CACNA1A: variants seen among roughly 807,000 people sequenced by gnomAD.
CACNA1A encodes calcium voltage-gated channel subunit alpha1 A.
CACNA1A carries 57 observed loss-of-function variants against 262.4 expected under a neutral mutation model. The observed-to-expected ratio is 0.22, with a 90% CI of 0.18 to 0.27. The LOEUF (loss-of-function observed/expected upper bound fraction) is 0.27, where lower values mean the gene tolerates loss of function less well. Among genes scored for constraint, CACNA1A ranks in the 10% least tolerant of loss-of-function variants. The pLI, the probability that CACNA1A is intolerant of heterozygous loss-of-function variation, is 1.00. For missense variants in CACNA1A, 2,526 were observed against 3,562.8 expected, an observed-to-expected ratio of 0.71 and a Z score of 7.41; for synonymous variants, 1,431 against 1,419.3, an observed-to-expected ratio of 1.01 and a Z score of -0.18.
chr19:13,259,590 G>T lies in CACNA1A; in HGVS notation c.4362C>A (p.Thr1454=), dbSNP rs190264873. 1 of 1,609,012 alleles carries T rather than the reference G, an allele frequency of 6.2e-7. No individual in the cohort carries two copies. Residue 1454 remains threonine (T), a synonymous_variant, in exon 27 of 47, where the codon ACC becomes ACA. Coordinates refer to ENST00000360228, the MANE Select transcript of CACNA1A (RefSeq NM_001127222.2). ...GTGGCCAGCCTTCTCCCGTGGACACGGTGAAGAGGGTCAGCAGAGCCCACA... is the reference window on the plus strand; with the variant it reads ...GTGGCCAGCCTTCTCCCGTGGACACTGTGAAGAGGGTCAGCAGAGCCCACA... ...NVLWALLTLF[T]VSTGEGWPQV...
chr19:13,414,411 A>G lies in CACNA1A; in HGVS notation c.539+38465T>C, dbSNP rs145629638. Among the ~76,000 whole-genome samples the G allele has an allele frequency of 2.5e-3, 384 of 152,216 alleles. 2 individuals carry two copies. Among genetic ancestry groups the G allele is most frequent in the Non-Finnish European group, 4.4e-3 (301 of 68,000 alleles). Reference sequence around the variant, plus strand: ...CGAGGCTCTGTCTCAAAAAAAAAGCAGGCAGATAGCAGCGAAGGACAATGT... The same window carrying G: ...CGAGGCTCTGTCTCAAAAAAAAAGCGGGCAGATAGCAGCGAAGGACAATGT... On this transcript the variant is annotated intron_variant, in intron 3 of 46. Transcript: ENST00000360228.
chr19:13,337,911 T>G (rs1040524005), intron 6 of CACNA1A, among the ~76,000 whole-genome samples: 2 of 152,172 alleles, frequency 1.3e-5, no homozygotes, highest in Non-Finnish European at 2.9e-5. Flanking sequence ...TGTAACTCTA[T>G]AGTGTATCTA....
rs144610146 is a variant in CACNA1A, at chr19:13,411,694, T to TTCTC, written c.540-39919_540-39916dup. 2.5e-3 allele frequency among the ~76,000 whole-genome samples: 363 copies of TTCTC among 147,764 alleles called. 2 individuals are homozygous for TTCTC. Among genetic ancestry groups the TTCTC allele is most frequent in the Admixed American group, 5.6e-3 (83 of 14,864 alleles). On this transcript the variant is annotated intron_variant, in intron 3 of 46. Transcript: ENST00000360228. ...TCTCTCTCTTTCTCTCTCTTTCTCC[T>TTCTC]TCTCTCTCTCTCTCTCTCTCCCCAT... is the stretch of plus-strand genomic sequence containing the variant.
intron 10 of CACNA1A, among the ~76,000 whole-genome samples, chr19:13,328,122 C>T (rs1457772525): frequency 6.6e-6 from 1 of 152,126 alleles, no homozygotes; most frequent in Non-Finnish European, 1.5e-5. Context: ...CCAGGCTGGT[C>T]TTGAACGGCT....
At position 13,277,201 on chromosome 19, in the gene CACNA1A, C is replaced by T. The variant is rs2057171871; in HGVS notation, c.3823-73G>A. The T allele has an allele frequency of 7.6e-6, 8 of 1,057,564 alleles. No homozygotes were observed. The South Asian group carries it at 7.9e-5, about 10-fold the overall frequency. 65.5% of individuals were successfully genotyped at this position (1,057,564 alleles called of 1,614,324 possible). A position where few individuals can be genotyped will look rare whatever the true frequency, so the allele number is the denominator to read the frequency against. The stretch of plus-strand genomic sequence containing the variant: ...GCAGAGCCCCGGTAAAACTAACGAT[C>T]GCCTACTGGGGAGCAGAGTTTCTAC... On this transcript the variant is annotated intron_variant, in intron 22 of 46. Transcript: ENST00000360228.
At chr19:13,407,760 G>A (rs1199560277) in intron 3 of CACNA1A, among the ~76,000 whole-genome samples, 2 of 152,320 alleles carry the variant, frequency 1.3e-5, no homozygotes, top group Non-Finnish European at 1.5e-5. Context: ...GGAGGCCAAG[G>A]CAGGCAGATT....
intron 24 of CACNA1A, chr19:13,271,784 G>C (rs1465358937): frequency 5.2e-5 from 7 of 135,678 alleles, no homozygotes. Context: ...TTTTTTTTGA[G>C]ACAGAGTCTT....
At chr19:13,219,780 C>T (rs778557905) in intron 38 of CACNA1A, among the ~76,000 whole-genome samples, 28 of 151,840 alleles carry the variant, frequency 1.8e-4, no homozygotes, top group Middle Eastern at 3.4e-3. Context: ...GGTGAAACCC[C>T]GTTTCTACTA....
chr19:13,327,145 T>C (rs1354064021), intron 10 of CACNA1A, among the ~76,000 whole-genome samples: 1 of 152,092 alleles, frequency 6.6e-6, no homozygotes, highest in African/African-American at 2.4e-5. Flanking sequence ...CTTCCCAAAA[T>C]GTTGGGATTA....
At chr19:13,263,049 G>T in intron 24 of CACNA1A, 1 of 555,438 alleles carries the variant, frequency 1.8e-6, no homozygotes, top group Middle Eastern at 5.0e-4. Flanking sequence ...TTGTGGTTCT[G>T]GTCCCAGGGT....
intron 1 of CACNA1A, among the ~76,000 whole-genome samples, chr19:13,499,067 G>A (rs911898393): frequency 6.6e-6 from 1 of 152,048 alleles, no homozygotes; most frequent in African/African-American, 2.4e-5. Context: ...AAGGGGAGGG[G>A]GGTACCTAAA....
Position 13,208,762 on chromosome 19 carries a change from G to T in CACNA1A, c.6774C>A (p.His2258Gln), listed in dbSNP as rs766371895. 4 of 1,574,264 alleles carry T rather than the reference G, an allele frequency of 2.5e-6. No individual in the cohort carries two copies. The South Asian group carries it at 4.5e-5, about 18-fold the overall frequency. Reference protein sequence around the residue: ...SPSEGREHMAHRQGSSSVSGS... With the variant: ...SPSEGREHMAQRQGSSSVSGS... ...CACTTGCAGCCGCACCCACCTGCCGGTGCGCCATGTGCTCTCGGCCCTCGC... is the reference window on the plus strand; with the variant it reads ...CACTTGCAGCCGCACCCACCTGCCGTTGCGCCATGTGCTCTCGGCCCTCGC... The change falls in exon 46 of 47, where the codon CAC becomes CAA. Residue 2258 changes from histidine to glutamine, a missense_variant. His to Gln is a conservative substitution (Grantham distance 24). This residue lies in a region of CACNA1A where 929 missense variants were observed against 868.1 expected (regional missense o/e 1.07). Transcript: ENST00000360228.
At chr19:13,218,772 T>C (rs2055112452) in intron 38 of CACNA1A, among the ~76,000 whole-genome samples, 1 of 151,936 alleles carries the variant, frequency 6.6e-6, no homozygotes, top group African/African-American at 2.4e-5. Flanking sequence ...AGTTTTGATC[T>C]TGTCACACAG....
At chr19:13,500,046 C>T (rs181367929) in intron 1 of CACNA1A, among the ~76,000 whole-genome samples, 1 of 152,278 alleles carries the variant, frequency 6.6e-6, no homozygotes, top group Admixed American at 6.5e-5. Flanking sequence ...TCTCAAGGGG[C>T]CGCTGCATCC....
intron 44 of CACNA1A, 134 bp downstream of exon 44, chr19:13,210,483 A>T: frequency 1.4e-6 from 1 of 699,042 alleles, no homozygotes; most frequent in East Asian, 2.8e-5. Flanking sequence ...GGCTCCATGG[A>T]GGGGAGAGGG....
chr19:13,356,004 A>G (rs1157124583), intron 6 of CACNA1A, among the ~76,000 whole-genome samples: 1 of 152,172 alleles, frequency 6.6e-6, no homozygotes, highest in Non-Finnish European at 1.5e-5. Context: ...GTTCACATTA[A>G]GGCCAAATCA....
At chr19:13,412,665 C>T (rs184439778) in intron 3 of CACNA1A, among the ~76,000 whole-genome samples, 200 of 150,196 alleles carry the variant, frequency 1.3e-3, no homozygotes, top group African/African-American at 4.6e-3. Context: ...TCAGTAGAGA[C>T]GGGGTTTCAC....
chr19:13,254,997 G>A lies in CACNA1A; in HGVS notation c.4755+98C>T, dbSNP rs929917028. The A allele has an allele frequency of 1.1e-5, 14 of 1,262,594 alleles. No homozygotes were observed. The African/African-American group carries it at 1.6e-4, about 14-fold the overall frequency. The allele number at this position is 1,262,594 out of a possible 1,614,324, so 78.2% of individuals were successfully genotyped here. A position where few individuals can be genotyped will look rare whatever the true frequency, so the allele number is the denominator to read the frequency against. Reference sequence around the variant, plus strand: ...AATCTCAGAGGTGATCCAGAGTGTGGTCTGTCTGGGAAACTGCAGATGGTT... The same window carrying A: ...AATCTCAGAGGTGATCCAGAGTGTGATCTGTCTGGGAAACTGCAGATGGTT... On this transcript the variant is annotated intron_variant, in intron 29 of 46. Coordinates refer to ENST00000360228, the MANE Select transcript of CACNA1A (RefSeq NM_001127222.2).
chr19:13,234,013 G>A (rs1600135749), intron 34 of CACNA1A, among the ~76,000 whole-genome samples: 1 of 143,156 alleles, frequency 7.0e-6, no homozygotes, highest in Admixed American at 7.3e-5. Flanking sequence ...TGGCGCCACT[G>A]CACTCCAGCC....
Sources: gnomAD v4.1 joint callset for allele counts (sites outside exome capture counted in the v4.1 genomes callset) on GRCh38, gnomAD v4.1.1 for gene constraint, gnomAD v4.1.1 regional missense constraint, MANE v1.5 for transcripts, NCBI Gene and HGNC (gene_info 2026-07-23, HGNC 2026-07-21) for gene names.